GPHN: variants seen among roughly 807,000 people sequenced by gnomAD.
The protein encoded by GPHN is gephyrin.
GPHN carries 17 observed loss-of-function variants against 95.5 expected under a neutral mutation model. The observed-to-expected ratio is 0.18, with a 90% CI of 0.12 to 0.27. The LOEUF (loss-of-function observed/expected upper bound fraction) is 0.27. Ranked by LOEUF, GPHN falls within the 10% of genes least tolerant of loss-of-function variation. The probability of loss-of-function intolerance (pLI) is 1.00; values close to 1 mark genes in which losing one functional copy is unlikely to be tolerated. For synonymous variants in GPHN, 320 were observed against 322.5 expected, an observed-to-expected ratio of 0.99 and a Z score of 0.08; for missense variants, 660 against 978.1, an observed-to-expected ratio of 0.67 and a Z score of 4.34.
At chr14:67,267,915 ATT>A in the GPHN span, among the ~76,000 whole-genome samples, 1 of 151,966 alleles carries the variant, frequency 6.6e-6, no homozygotes, top group East Asian at 1.9e-4. Flanking sequence ...TTCTTATTGC[ATT>A]TTTTGTTTAT....
chr14:66,562,510 A>G (rs2060300830), intron 1 of GPHN, among the ~76,000 whole-genome samples: 1 of 152,152 alleles, frequency 6.6e-6, no homozygotes, highest in South Asian at 2.1e-4. Context: ...AAATGAAACA[A>G]ATTTATTAAC....
intron 1 of GPHN, among the ~76,000 whole-genome samples, chr14:66,622,216 C>T (rs1291729033): frequency 6.6e-6 from 1 of 152,182 alleles, no homozygotes; most frequent in Non-Finnish European, 1.5e-5. Context: ...GGCTTGAACC[C>T]TCTGAACGCA....
At chr14:67,592,778 T>C in the GPHN span, 1 of 1,043,468 alleles carries the variant, frequency 9.6e-7, no homozygotes, top group Non-Finnish European at 1.5e-6. Context: ...ATTCTTTTTT[T>C]CTTTTTCCTT....
chr14:67,519,156 A>G, the GPHN span, among the ~76,000 whole-genome samples: 1 of 152,206 alleles, frequency 6.6e-6, no homozygotes, highest in Admixed American at 6.5e-5. Context: ...CCCTTCTCAA[A>G]ATAGGAAGGA....
intron 1 of GPHN, among the ~76,000 whole-genome samples, chr14:66,576,609 C>G (rs956364679): frequency 2.0e-5 from 3 of 151,998 alleles, no homozygotes; most frequent in Admixed American, 2.0e-4. Context: ...AAATTTATGG[C>G]AAGCATATTT....
intron 3 of GPHN, among the ~76,000 whole-genome samples, chr14:66,816,491 T>TGA (rs1465280635): frequency 2.6e-5 from 4 of 152,140 alleles, no homozygotes; most frequent in Non-Finnish European, 4.4e-5. Context: ...AAATTAAGAC[T>TGA]GAGAAATTTA....
At chr14:66,701,076 C>T (rs576487591) in intron 2 of GPHN, among the ~76,000 whole-genome samples, 40 of 152,268 alleles carry the variant, frequency 2.6e-4, no homozygotes, top group Non-Finnish European at 4.3e-4. Flanking sequence ...TAAAAGCAAC[C>T]TCTGTTACAG....
intron 10 of GPHN, among the ~76,000 whole-genome samples, chr14:67,056,855 C>T (rs2075597478): frequency 6.6e-6 from 1 of 152,182 alleles, no homozygotes; most frequent in Non-Finnish European, 1.5e-5. Context: ...GTCCTGAGCC[C>T]TGCCCCGCAA....
At chr14:66,662,563 T>G (rs761526954) in intron 1 of GPHN, among the ~76,000 whole-genome samples, 1 of 152,148 alleles carries the variant, frequency 6.6e-6, no homozygotes, top group Non-Finnish European at 1.5e-5. Context: ...CACAGTGCCC[T>G]CTTCTGTTCA....
intron 1 of GPHN, among the ~76,000 whole-genome samples, chr14:66,662,393 G>A (rs1235711115): frequency 2.0e-5 from 3 of 152,068 alleles, no homozygotes; most frequent in Non-Finnish European, 4.4e-5. Flanking sequence ...AGGCGACTAG[G>A]GACTAGAGCA....
At chr14:66,852,399 G>A (rs1340398930) in intron 4 of GPHN, among the ~76,000 whole-genome samples, 1 of 152,236 alleles carries the variant, frequency 6.6e-6, no homozygotes, top group Non-Finnish European at 1.5e-5. Flanking sequence ...GTGCGTGCGC[G>A]TGCGCGTGTT....
intron 2 of GPHN, among the ~76,000 whole-genome samples, chr14:66,714,136 G>A (rs2069935848): frequency 6.6e-6 from 1 of 152,108 alleles, no homozygotes; most frequent in Admixed American, 6.6e-5. Flanking sequence ...AATCATAAAG[G>A]GATGCTGGAT....
chr14:67,661,889 C>T, the GPHN span, among the ~76,000 whole-genome samples: 1 of 152,092 alleles, frequency 6.6e-6, no homozygotes, highest in South Asian at 2.1e-4. Context: ...GGCACGGTGG[C>T]TCATGCCTTG....
chr14:67,469,081 A>C, the GPHN span, among the ~76,000 whole-genome samples: 1 of 152,172 alleles, frequency 6.6e-6, no homozygotes, highest in Non-Finnish European at 1.5e-5. Flanking sequence ...TTATGCTAAC[A>C]TGTAAATGAC....
At chr14:67,725,741 T>G in the GPHN span, among the ~76,000 whole-genome samples, 1 of 152,182 alleles carries the variant, frequency 6.6e-6, no homozygotes, top group Non-Finnish European at 1.5e-5. Flanking sequence ...GAGTCGGTAG[T>G]TAGTACACAT....
At chr14:66,804,005 G>T (rs10138690) in intron 3 of GPHN, among the ~76,000 whole-genome samples, 37,495 of 151,080 alleles carry the variant, frequency 0.25, 9,312 homozygotes, top group African/African-American at 0.61. Context: ...TCTTTTGGGG[G>T]TTTTTTTTGT....
intron 10 of GPHN, among the ~76,000 whole-genome samples, chr14:67,052,603 G>A (rs1393590829): frequency 2.6e-5 from 4 of 152,156 alleles, no homozygotes; most frequent in Non-Finnish European, 5.9e-5. Flanking sequence ...GGACCTGACA[G>A]ATATCTACAG....
At chr14:66,654,054 C>T (rs984232005) in intron 1 of GPHN, among the ~76,000 whole-genome samples, 6 of 152,104 alleles carry the variant, frequency 3.9e-5, no homozygotes, top group Non-Finnish European at 8.8e-5. Context: ...TATGAATGAT[C>T]CAATTCTTTC....
chr14:67,103,501 GTTTC>G (rs923029850), intron 13 of GPHN, among the ~76,000 whole-genome samples: 2 of 68,732 alleles, frequency 2.9e-5, no homozygotes, highest in African/African-American at 5.5e-5. Flanking sequence ...ATGGGATGCT[GTTTC>G]TTTCTCTTTT....
Sources: allele counts gnomAD v4.1 joint callset (sites outside exome capture counted in the v4.1 genomes callset), GRCh38; gene constraint gnomAD v4.1.1; transcripts MANE v1.5; gene names NCBI Gene and HGNC (gene_info 2026-07-23, HGNC 2026-07-21).